Variants in SYNE1 observed in about 807,000 individuals in gnomAD.
SYNE1 encodes the protein nesprin-1.
A neutral mutation model predicts 1,111.0 loss-of-function variants in SYNE1; 616 were observed. The observed-to-expected ratio is 0.55, with a 90% CI of 0.52 to 0.59. The LOEUF is 0.59. SYNE1 is among the 20% of genes least tolerant of loss of function. The probability of loss-of-function intolerance (pLI) is 0.00; values close to 1 mark genes in which losing one functional copy is unlikely to be tolerated. For synonymous variants in SYNE1, 3,855 were observed against 3,825.8 expected (o/e 1.01, Z -0.28); for missense variants, 10,006 against 10,417.0 (o/e 0.96, Z 1.72).
At chr6:152,498,925 T>A in intron 10 of SYNE1, 133 bp from the exon 11 acceptor site, 1 of 447,762 alleles carries the variant, frequency 2.2e-6, no homozygotes, top group South Asian at 7.7e-5. Flanking sequence ...AGGGTATATT[T>A]ACTTTAAGAC....
At chr6:152,448,348 G>A (rs1354145034) in intron 28 of SYNE1, among the ~76,000 whole-genome samples, 4 of 152,168 alleles carry the variant, frequency 2.6e-5, no homozygotes, top group Non-Finnish European at 5.9e-5. Context: ...TCCCCAACCA[G>A]GGCCACTCCA....
intron 87 of SYNE1, chr6:152,315,197 CTTT>C (rs57333075): frequency 0.49 from 53,516 of 110,220 alleles, 12,570 homozygotes; most frequent in South Asian, 0.61. Flanking sequence ...AGAGTAGTAA[CTTT>C]TTTTTTTTTT....
chr6:152,295,507 C>A (rs956194765), intron 93 of SYNE1, among the ~76,000 whole-genome samples: 1 of 152,088 alleles, frequency 6.6e-6, no homozygotes, highest in African/African-American at 2.4e-5. Flanking sequence ...AAACCCCTTT[C>A]TTGCCAAGAC....
rs942721092 is a variant in SYNE1 at position 152,300,649 on chromosome 6, C to G, written c.17674G>C (p.Val5892Leu). ...PSPVANTDAS[V>L]NQDIAYYQAL... ...TGCCAACTGGGAGGTACCTGGTTAA[C>G]AGAAGCATCTGTATTAGCCACAGGT... Residue 5892 changes from valine (V) to leucine (L), a missense_variant, in exon 93 of 146, where the codon GTT becomes CTT. Transcript: ENST00000367255. 6.2e-7 allele frequency: 1 copy of G among 1,614,180 alleles called. No individual in the cohort carries two copies. The highest frequency in any genetic ancestry group is 1.3e-5 in the African/African-American group (1 of 75,058).
intron 51 of SYNE1, among the ~76,000 whole-genome samples, chr6:152,393,770 C>G (rs2154137854): frequency 6.6e-6 from 1 of 152,198 alleles, no homozygotes; most frequent in East Asian, 1.9e-4. Context: ...GCATGTTTGA[C>G]TAAAAAGAGG....
At chr6:152,587,688 G>T (rs1355274461) in intron 3 of SYNE1, among the ~76,000 whole-genome samples, 1 of 152,128 alleles carries the variant, frequency 6.6e-6, no homozygotes, top group Non-Finnish European at 1.5e-5. Context: ...AGGGTCTGCT[G>T]TGGCAATATT....
At chr6:152,125,122 T>C in intron 145 of SYNE1, 1 of 901,750 alleles carries the variant, frequency 1.1e-6, no homozygotes, top group East Asian at 2.8e-5. Flanking sequence ...ATGACTTGCT[T>C]CAGATTCTAC....
rs781782193 is a variant in SYNE1 at position 152,462,775 on chromosome 6, G to C, written c.2213C>G (p.Ser738Cys). 1.2e-6 allele frequency: 2 copies of C among 1,614,004 alleles called. No individual in the cohort carries two copies. The highest frequency in any genetic ancestry group is 1.3e-5 in the African/African-American group (1 of 75,028). ...AATTAATAGCTTGACATTCATAAAAGAGACTTCTAAGGGTTCAGAAAGTTT... is the reference window on the plus strand; with the variant it reads ...AATTAATAGCTTGACATTCATAAAACAGACTTCTAAGGGTTCAGAAAGTTT... The part of the protein sequence containing the change: ...HKKLSEPLEV[S>C]FMNVKLLIQD... Residue 738 changes from serine to cysteine, a missense_variant, in exon 20 of 146, where the codon TCT becomes TGT. Physicochemically the swap from Ser to Cys is moderately radical, Grantham distance 112 (BLOSUM62 -1). This residue lies in a region of SYNE1 where 1,971 missense variants were observed against 2,084.1 expected (regional missense o/e 0.95). Coordinates refer to ENST00000367255, the MANE Select transcript of SYNE1 (RefSeq NM_182961.4).
At position 152,262,043 on chromosome 6, in the gene SYNE1, G is replaced by A; in HGVS notation, c.18961C>T (p.Gln6321Ter). ...AAAATATTTGATACCACTTGCTCTT[G>A]TTCCTGTTCCAGAACATTCTGTAGT... Reference protein sequence around the residue: ...KLLQNVLEQEQEQVLYSRPNR... With the variant: ...KLLQNVLEQE Residue 6321 changes from glutamine to a stop codon, truncating the protein, a stop_gained, in exon 101 of 146, where the codon CAA becomes TAA. Transcript: ENST00000367255. LOFTEE classifies it high-confidence loss of function. The A allele has an allele frequency of 6.2e-7, 1 of 1,613,002 alleles. No individual in the cohort carries two copies. Among genetic ancestry groups the A allele is most frequent in the Non-Finnish European group, 8.5e-7 (1 of 1,179,658 alleles).
intron 3 of SYNE1, among the ~76,000 whole-genome samples, chr6:152,604,785 C>T (rs976386294): frequency 1.3e-5 from 2 of 150,208 alleles, no homozygotes; most frequent in African/African-American, 4.9e-5. Context: ...ACTGTCCCTA[C>T]AAAAAATAAA....
chr6:152,507,375 T>C (rs1325221453), intron 8 of SYNE1, among the ~76,000 whole-genome samples: 1 of 152,226 alleles, frequency 6.6e-6, no homozygotes, highest in Non-Finnish European at 1.5e-5. Flanking sequence ...ATACATAATA[T>C]GCTTTTCTAA....
chr6:152,156,223 G>T, intron 131 of SYNE1, 126 bp from the exon 132 acceptor site: 1 of 983,182 alleles, frequency 1.0e-6, no homozygotes, highest in Non-Finnish European at 1.6e-6. Context: ...TTGAATGTAT[G>T]ACATTTATTG....
In SYNE1 at chr6:152,628,368, T is replaced by C. The variant is rs766750258; in HGVS notation, c.-37A>G. 5.0e-6 allele frequency: 8 copies of C among 1,605,676 alleles called. No homozygotes were observed. Among genetic ancestry groups the C allele is most frequent in the Admixed American group, 1.7e-5 (1 of 59,974 alleles). ...AAGCACGAAGCCAACACCAAGAGAC[T>C]CTTCACTGGAGGCAGCACAGGGCTA... On this transcript the variant is annotated 5_prime_UTR_variant, in exon 3 of 146. Coordinates refer to ENST00000367255, the MANE Select transcript of SYNE1 (RefSeq NM_182961.4).
chr6:152,359,484 G>A (rs1317038508), intron 64 of SYNE1, 26 bp from the exon 65 acceptor site: 10 of 1,614,010 alleles, frequency 6.2e-6, no homozygotes, highest in Non-Finnish European at 8.5e-6. Context: ...GAAAAATAAA[G>A]TGGCCATTCA....
chr6:152,383,121 G>A (rs2097455150), intron 55 of SYNE1, among the ~76,000 whole-genome samples: 3 of 152,054 alleles, frequency 2.0e-5, no homozygotes, highest in African/African-American at 7.3e-5. Context: ...CTACATTCAG[G>A]CTGGACCTGA....
intron 3 of SYNE1, among the ~76,000 whole-genome samples, chr6:152,548,451 A>G (rs2099325367): frequency 6.6e-6 from 1 of 152,198 alleles, no homozygotes; most frequent in African/African-American, 2.4e-5. Flanking sequence ...CACTCCTTGG[A>G]CAGAAGCATC....
chr6:152,254,675 G>T (rs937022834), intron 104 of SYNE1, among the ~76,000 whole-genome samples: 4 of 152,098 alleles, frequency 2.6e-5, no homozygotes, highest in Non-Finnish European at 5.9e-5. Context: ...TTTGAAGTGG[G>T]TGGTTTTCTC....
At chr6:152,620,870 G>C (rs1227005076) in intron 3 of SYNE1, among the ~76,000 whole-genome samples, 1 of 152,188 alleles carries the variant, frequency 6.6e-6, no homozygotes, top group East Asian at 1.9e-4. Flanking sequence ...ATGTGAGTTT[G>C]ACCCAATTCC....
chr6:152,552,641 T>C (rs762427979), intron 3 of SYNE1, among the ~76,000 whole-genome samples: 1 of 151,858 alleles, frequency 6.6e-6, no homozygotes. Context: ...CCTAAAAGAG[T>C]GAACCTGAGA....
Sources: allele counts gnomAD v4.1 joint callset (sites outside exome capture counted in the v4.1 genomes callset), GRCh38; gene constraint gnomAD v4.1.1; regional missense constraint gnomAD v4.1.1; transcripts MANE v1.5; gene names NCBI Gene and HGNC (gene_info 2026-07-23, HGNC 2026-07-21).